The following STON1 variants were observed in gnomAD, a reference collection of about 807,000 sequenced individuals.
STON1 encodes the protein stonin 1, also known as stonin-1.
A neutral mutation model predicts 60.9 loss-of-function variants in STON1; 79 were observed. The ratio of observed to expected loss-of-function variants is 1.30; its 90% CI spans 1.08 to 1.56. The LOEUF (loss-of-function observed/expected upper bound fraction) is 1.56. STON1 is among the 40% of genes most tolerant of loss of function. The probability of loss-of-function intolerance (pLI) is 0.00; values close to 1 mark genes in which losing one functional copy is unlikely to be tolerated. For synonymous variants in STON1, 363 were observed against 306.9 expected, an observed-to-expected ratio of 1.18 and a Z score of -1.91; for missense variants, 1,166 against 858.9, an observed-to-expected ratio of 1.36 and a Z score of -4.47.
intron 1 of STON1, among the ~76,000 whole-genome samples, chr2:48,564,214 A>G (rs904761889): frequency 4.6e-5 from 7 of 152,178 alleles, no homozygotes; most frequent in Non-Finnish European, 8.8e-5. Flanking sequence ...TTGAGCTACT[A>G]TCACAAAATA....
At chr2:48,546,271 T>C (rs536610082) in intron 1 of STON1, among the ~76,000 whole-genome samples, 19 of 152,336 alleles carry the variant, frequency 1.2e-4, no homozygotes, top group African/African-American at 4.1e-4. Context: ...TTCTTCGACC[T>C]CACTTGCCTG....
At chr2:48,545,496 C>T (rs1393020061) in intron 1 of STON1, among the ~76,000 whole-genome samples, 35 of 152,184 alleles carry the variant, frequency 2.3e-4, no homozygotes, top group Admixed American at 2.3e-3. Flanking sequence ...GTCTGTCTAA[C>T]CAGAGGGGCC....
Position 48,582,346 on chromosome 2 carries a change from C to A in STON1, c.1713C>A (p.His571Gln), listed in dbSNP as rs1262877194. The change falls in exon 2 of 4, where the codon CAC (histidine) becomes CAA (glutamine). Residue 571 changes from histidine to glutamine, a missense_variant. By Grantham distance (24) the His-to-Gln change is conservative. Transcript: ENST00000404752. ...GGTCCTGTGACAATATAAGGATACA[C>A]TTTCCTGTCCCATCGCAGTGGATCA... Reference protein sequence around the residue: ...SLRSCDNIRIHFPVPSQWIKA... With the variant: ...SLRSCDNIRIQFPVPSQWIKA... 6.2e-7 allele frequency: 1 copy of A among 1,614,090 alleles called. No homozygotes were observed.
intron 1 of STON1, among the ~76,000 whole-genome samples, chr2:48,543,360 T>C (rs546625536): frequency 6.6e-6 from 1 of 152,250 alleles, no homozygotes; most frequent in East Asian, 1.9e-4. Context: ...ATTTTGCTTC[T>C]GTACCAGCTG....
chr2:48,531,420 CTGAT>C (rs1324158270), intron 1 of STON1: 3 of 152,182 alleles, frequency 2.0e-5, no homozygotes, highest in East Asian at 1.9e-4. Context: ...CCCCTGGACT[CTGAT>C]TGGGTGGAAG....
intron 1 of STON1, among the ~76,000 whole-genome samples, chr2:48,553,756 G>T (rs960008943): frequency 6.6e-6 from 1 of 152,196 alleles, no homozygotes; most frequent in Non-Finnish European, 1.5e-5. Context: ...CCAAAGTGCT[G>T]GGATTACAGG....
chr2:48,571,988 C>A (rs1165064707), intron 1 of STON1, among the ~76,000 whole-genome samples: 1 of 152,130 alleles, frequency 6.6e-6, no homozygotes, highest in African/African-American at 2.4e-5. Flanking sequence ...CATGGTGAAA[C>A]CCTGTCTCTA....
intron 1 of STON1, among the ~76,000 whole-genome samples, chr2:48,553,396 C>T (rs757011746): frequency 5.3e-5 from 8 of 151,108 alleles, no homozygotes; most frequent in African/African-American, 9.7e-5. Context: ...CTTCCCATCC[C>T]GTCCCATCCC....
chr2:48,580,144 G>T (rs2103112), intron 1 of STON1, among the ~76,000 whole-genome samples: 49,450 of 151,942 alleles, frequency 0.33, 8,192 homozygotes, highest in East Asian at 0.42. Flanking sequence ...CTGACCTCAG[G>T]TGACCTGCTT....
chr2:48,582,166 G>C lies in STON1; in HGVS notation c.1533G>C (p.Arg511=), dbSNP rs1441440727. 4.3e-6 allele frequency: 7 copies of C among 1,614,216 alleles called. No homozygotes were observed. Among genetic ancestry groups the C allele is most frequent in the Non-Finnish European group, 5.9e-6 (7 of 1,180,038 alleles). Reference sequence around the variant, plus strand: ...AGTTTGTACCTCTGGATGCCTGCCGGTTTGAGCTGATGCGTTTCAAGACTT... The same window carrying C: ...AGTTTGTACCTCTGGATGCCTGCCGCTTTGAGCTGATGCGTTTCAAGACTT... ...IIKFVPLDAC[R]FELMRFKTLY... is the part of the protein sequence containing the mutation. The change falls in exon 2 of 4, where the codon CGG becomes CGC. Residue 511 remains arginine, a synonymous_variant. Transcript: ENST00000404752.
intron 1 of STON1, among the ~76,000 whole-genome samples, chr2:48,576,553 A>G (rs1156411433): frequency 1.3e-5 from 2 of 148,840 alleles, no homozygotes; most frequent in African/African-American, 2.5e-5. Context: ...GTATGAGGTG[A>G]TAGATACCTC....
chr2:48,583,269 A>T (rs13016899), intron 2 of STON1, among the ~76,000 whole-genome samples: 1 of 151,884 alleles, frequency 6.6e-6, no homozygotes, highest in East Asian at 1.9e-4. Flanking sequence ...TTTGTTTTTT[A>T]GTAGAGACGG....
chr2:48,540,910 G>C (rs1458677096), intron 1 of STON1, among the ~76,000 whole-genome samples: 1 of 152,198 alleles, frequency 6.6e-6, no homozygotes, highest in Non-Finnish European at 1.5e-5. Flanking sequence ...GAAGTCTTCT[G>C]TGTTGGTGAT....
At chr2:48,566,514 G>A (rs1430493186) in intron 1 of STON1, among the ~76,000 whole-genome samples, 2 of 151,524 alleles carry the variant, frequency 1.3e-5, no homozygotes, top group East Asian at 1.9e-4. Flanking sequence ...ATCTTCTGAC[G>A]TCGGGTGATC....
intron 2 of STON1, among the ~76,000 whole-genome samples, chr2:48,587,493 A>G (rs969966355): frequency 6.6e-6 from 1 of 152,120 alleles, no homozygotes; most frequent in African/African-American, 2.4e-5. Context: ...GGGTTTCGCC[A>G]TATTGGCCAG....
At chr2:48,556,976 A>C (rs1572943911) in intron 1 of STON1, among the ~76,000 whole-genome samples, 2 of 40,488 alleles carry the variant, frequency 4.9e-5, no homozygotes, top group Non-Finnish European at 9.8e-5. Flanking sequence ...CGGGGGGCTG[A>C]CCCCCCCACC....
chr2:48,555,317 G>A (rs1319069211), intron 1 of STON1, among the ~76,000 whole-genome samples: 2 of 60,244 alleles, frequency 3.3e-5, no homozygotes, highest in African/African-American at 5.9e-5. Flanking sequence ...CCGGGCGGGG[G>A]GGGCTGACCC....
In STON1 at chr2:48,582,297, G is replaced by GGTCATC. The variant is rs758818068; in HGVS notation, c.1665_1670dup (p.Ser556_Ser557dup). 1.2e-5 allele frequency: 20 copies of GGTCATC among 1,614,064 alleles called. No individual in the cohort carries two copies. The highest frequency in any genetic ancestry group is 1.6e-5 in the Non-Finnish European group (19 of 1,180,032). Reference sequence around the variant, plus strand: ...GTCAACATGGCCTCATTGGCGCAGAGGTCATCCTATGCTGGTTCCTTAAGG... The same window carrying GGTCATC: ...GTCAACATGGCCTCATTGGCGCAGAGGTCATCGTCATCCTATGCTGGTTCCTTAAGG... On this transcript the variant is annotated inframe_insertion, in exon 2 of 4. Coordinates refer to ENST00000404752, the MANE Select transcript of STON1 (RefSeq NM_006873.4).
chr2:48,549,923 C>T (rs535044004), intron 1 of STON1, among the ~76,000 whole-genome samples: 109 of 151,512 alleles, frequency 7.2e-4, no homozygotes, highest in African/African-American at 2.4e-3. Context: ...TTGTCCTCAA[C>T]ATCAGGCCAG....
Sources: gnomAD v4.1 joint callset for allele counts (sites outside exome capture counted in the v4.1 genomes callset) on GRCh38, gnomAD v4.1.1 for gene constraint, MANE v1.5 for transcripts, NCBI Gene and HGNC (gene_info 2026-07-23, HGNC 2026-07-21) for gene names.